Variants in ALPL observed in about 807,000 individuals in gnomAD.
ALPL encodes the protein alkaline phosphatase, tissue-nonspecific isozyme.
A neutral mutation model predicts 51.3 loss-of-function variants in ALPL; 42 were observed. The ratio of observed to expected loss-of-function variants is 0.82; its 90% CI spans 0.64 to 1.06. The LOEUF (loss-of-function observed/expected upper bound fraction) is 1.06. Ranked by LOEUF, ALPL falls within the 50% of genes least tolerant of loss-of-function variation. The pLI, the probability that ALPL is intolerant of heterozygous loss-of-function variation, is 0.00. For missense variants in ALPL, 589 were observed against 709.4 expected (o/e 0.83, Z 1.93); for synonymous variants, 279 against 296.4 (o/e 0.94, Z 0.60).
chr1:21,555,965 G>A (rs1392203713), intron 2 of ALPL, among the ~76,000 whole-genome samples: 1 of 151,496 alleles, frequency 6.6e-6, no homozygotes, highest in Non-Finnish European at 1.5e-5. Flanking sequence ...TAGAGACGGG[G>A]TTTCACCATG....
chr1:21,567,370 C>T (rs146618326), intron 6 of ALPL, among the ~76,000 whole-genome samples: 19 of 147,776 alleles, frequency 1.3e-4, no homozygotes, highest in South Asian at 8.7e-4. Flanking sequence ...AACAGTCCCG[C>T]GTCCGTCTGC....
intron 1 of ALPL, among the ~76,000 whole-genome samples, chr1:21,542,441 G>A (rs1157082614): frequency 1.3e-5 from 2 of 152,268 alleles, no homozygotes; most frequent in African/African-American, 2.4e-5. Context: ...CCTCTCACCG[G>A]GCAAGGCTTT....
chr1:21,551,719 G>GT (rs397861981), intron 1 of ALPL, among the ~76,000 whole-genome samples: 2,245 of 61,414 alleles, frequency 0.037, 521 homozygotes, highest in East Asian at 0.08. Context: ...AGCTTGCGTG[G>GT]TTTTTTTTTT....
intron 1 of ALPL, among the ~76,000 whole-genome samples, chr1:21,515,422 T>G (rs1216711925): frequency 1.3e-5 from 2 of 152,158 alleles, no homozygotes; most frequent in Non-Finnish European, 2.9e-5. Flanking sequence ...TGAGTATCGC[T>G]CTGTTCCCCA....
intron 9 of ALPL, chr1:21,574,304 C>T (rs1644695431): frequency 1.5e-6 from 1 of 667,712 alleles, no homozygotes; most frequent in African/African-American, 2.0e-5. Context: ...GCATCTGTCT[C>T]CTGGAGAGTG....
At chr1:21,563,907 G>A (rs1336998448) in intron 5 of ALPL, 134 bp from the exon 6 acceptor site, 7 of 1,158,496 alleles carry the variant, frequency 6.0e-6, no homozygotes, top group African/African-American at 1.5e-5. Context: ...CTGTGGATGG[G>A]GAGACTGAGA....
intron 1 of ALPL, among the ~76,000 whole-genome samples, chr1:21,536,244 G>A (rs1343778174): frequency 6.6e-6 from 1 of 152,254 alleles, no homozygotes; most frequent in Non-Finnish European, 1.5e-5. Flanking sequence ...CTTGTAGGAA[G>A]TTGGACTCTT....
intron 1 of ALPL, among the ~76,000 whole-genome samples, chr1:21,541,499 G>C (rs556689040): frequency 3.3e-5 from 5 of 152,298 alleles, no homozygotes; most frequent in African/African-American, 7.2e-5. Flanking sequence ...TCCACCTAGC[G>C]ACATTCCCTG....
intron 1 of ALPL, among the ~76,000 whole-genome samples, chr1:21,513,856 C>T (rs1570154388): frequency 6.6e-6 from 1 of 152,228 alleles, no homozygotes; most frequent in East Asian, 1.9e-4. Flanking sequence ...GTGGCTGGAG[C>T]TGATTAGCAG....
chr1:21,547,318 G>C (rs150650183), intron 1 of ALPL, among the ~76,000 whole-genome samples: 1 of 151,826 alleles, frequency 6.6e-6, no homozygotes, highest in Non-Finnish European at 1.5e-5. Flanking sequence ...AGCGGGTCAC[G>C]GCCACTGACC....
At chr1:21,537,175 C>T (rs1394263750) in intron 1 of ALPL, among the ~76,000 whole-genome samples, 5 of 152,170 alleles carry the variant, frequency 3.3e-5, no homozygotes, top group African/African-American at 7.2e-5. Flanking sequence ...GGATTAAAGG[C>T]GTGAGCCACC....
chr1:21,564,254 G>A lies in ALPL; in HGVS notation c.648+38G>A, dbSNP rs573908872. On this transcript the variant is annotated intron_variant, in intron 6 of 11. Transcript: ENST00000374840. The surrounding 1 kb of genome is among the most constrained non-coding windows in gnomAD (Gnocchi z 5.8). ...GGGCAGCCGGGCAGGGACGGGGTGA[G>A]GCGGGGCCTCTGGTGGGCAGGAGGC... The A allele has an allele frequency of 6.2e-7, 1 of 1,609,642 alleles. No individual in the cohort carries two copies. Among genetic ancestry groups the A allele is most frequent in the South Asian group, 1.1e-5 (1 of 90,990 alleles).
intron 8 of ALPL, among the ~76,000 whole-genome samples, chr1:21,572,828 C>A (rs1644668477): frequency 6.6e-6 from 1 of 151,934 alleles, no homozygotes; most frequent in Non-Finnish European, 1.5e-5. Context: ...GCCCAGTGAG[C>A]AGGAGGGACA....
chr1:21,525,865 G>A (rs1643934745), intron 1 of ALPL, among the ~76,000 whole-genome samples: 1 of 152,130 alleles, frequency 6.6e-6, no homozygotes, highest in African/African-American at 2.4e-5. Context: ...GCGCGTGCCT[G>A]TAATCCCAGC....
At chr1:21,577,294 C>T (rs982070897) in intron 11 of ALPL, 89 bp from the exon 12 acceptor site, 1 of 1,599,446 alleles carries the variant, frequency 6.3e-7, no homozygotes, top group African/African-American at 1.3e-5. Context: ...TGGGAGCATT[C>T]AAGCCAGCCT....
At chr1:21,545,201 A>G (rs72874279) in intron 1 of ALPL, among the ~76,000 whole-genome samples, 1,603 of 152,202 alleles carry the variant, frequency 0.011, 30 homozygotes, top group African/African-American at 0.037. Context: ...GTTTCTCTAC[A>G]TTGTAAACTA....
At chr1:21,511,912 C>A (rs1397624384) in intron 1 of ALPL, among the ~76,000 whole-genome samples, 1 of 152,202 alleles carries the variant, frequency 6.6e-6, no homozygotes, top group Non-Finnish European at 1.5e-5. Context: ...CTGGAGCCTG[C>A]GTATCTAGAA....
chr1:21,557,932 T>C (rs977190738), intron 2 of ALPL, among the ~76,000 whole-genome samples: 3 of 152,224 alleles, frequency 2.0e-5, no homozygotes, highest in Admixed American at 1.3e-4. Context: ...CAGGCTTACA[T>C]TGGCCACCAG....
Position 21,562,847 on chromosome 1 carries a change from A to G in ALPL, c.298-263A>G, listed in dbSNP as rs1767429. On this transcript the variant is annotated intron_variant, in intron 4 of 11. Transcript: ENST00000374840. ...CCTCCGCTGACCCCACCTGAGCCCC[A>G]ATCTTCCGCCGGACACTTCTCTGTA... 0.45 allele frequency among the ~76,000 whole-genome samples: 68,483 copies of G among 151,806 alleles called. 15,578 individuals are homozygous for G. The highest frequency in any genetic ancestry group is 0.52 in the African/African-American group (21,431 of 41,372).
Sources: allele counts gnomAD v4.1 joint callset (sites outside exome capture counted in the v4.1 genomes callset), GRCh38; gene constraint gnomAD v4.1.1; non-coding constraint Gnocchi (gnomAD v3.1); transcripts MANE v1.5; gene names NCBI Gene and HGNC (gene_info 2026-07-23, HGNC 2026-07-21).